Variants in MFSD6 observed in about 807,000 individuals in gnomAD.
MFSD6 encodes major facilitator superfamily domain containing 6.
MFSD6 carries 26 observed loss-of-function variants against 56.3 expected under a neutral mutation model. The observed-to-expected ratio is 0.46, with a 90% CI of 0.34 to 0.64. MFSD6 has a LOEUF of 0.64. Among genes scored for constraint, MFSD6 ranks in the 30% least tolerant of loss-of-function variants. The pLI is 0.01. For synonymous variants in MFSD6, 331 were observed against 366.9 expected (o/e 0.90, Z 1.12); for missense variants, 750 against 986.2 (o/e 0.76, Z 3.21).
At chr2:190,448,178 G>A (rs971026153) in intron 3 of MFSD6, among the ~76,000 whole-genome samples, 1 of 152,122 alleles carries the variant, frequency 6.6e-6, no homozygotes, top group African/African-American at 2.4e-5. Flanking sequence ...CAAAGTGTAT[G>A]GTAGACAAGA....
Position 190,412,567 on chromosome 2 carries a change from A to G in MFSD6, c.-175-2725A>G. 2.0e-6 allele frequency: 2 copies of G among 985,440 alleles called. No homozygotes were observed. Among genetic ancestry groups the G allele is most frequent in the Non-Finnish European group, 2.4e-6 (2 of 829,932 alleles). 61.0% of individuals were successfully genotyped at this position (985,440 alleles called of 1,614,324 possible). On this transcript the variant is annotated intron_variant, in intron 1 of 7. Transcript: ENST00000392328. The surrounding 1 kb of genome is among the most constrained non-coding windows in gnomAD (Gnocchi z 4.1). ...AGCATTTTTGATTCCTGGGAAAAGC[A>G]AACAAACACATCTGATGTCAATTCT...
Position 190,487,170 on chromosome 2 carries a change from G to A in MFSD6, c.1631-1487G>A, listed in dbSNP as rs1294704384. 6.6e-6 allele frequency among the ~76,000 whole-genome samples: 1 copy of A among 151,954 alleles called. No homozygotes were observed. Among genetic ancestry groups the A allele is most frequent in the Admixed American group, 6.6e-5 (1 of 15,252 alleles). ...ATCCTGGCCAACGTGGTGAAACCCT[G>A]TCTCTACTAAAAATACAAAAATTAG... On this transcript the variant is annotated intron_variant, in intron 4 of 7. Coordinates refer to ENST00000392328, the MANE Select transcript of MFSD6 (RefSeq NM_017694.4). This position sits in a 1 kb window ranked among gnomAD's most constrained non-coding sequence, Gnocchi z 5.5.
chr2:190,454,029 C>T lies in MFSD6; in HGVS notation c.1533-15729C>T, dbSNP rs1331668084. 6.6e-6 allele frequency: 1 copy of T among 152,204 alleles called. No homozygotes were observed. The highest frequency in any genetic ancestry group is 1.5e-5 in the Non-Finnish European group (1 of 68,038). 9.4% of individuals were successfully genotyped at this position (152,204 alleles called of 1,614,324 possible). On this transcript the variant is annotated intron_variant, in intron 3 of 7. Coordinates refer to ENST00000392328, the MANE Select transcript of MFSD6 (RefSeq NM_017694.4). The surrounding 1 kb of genome is among the most constrained non-coding windows in gnomAD (Gnocchi z 4.6). ...GTTTATGTTCAATTTCCTAATTAGACTAAATCAGTCCTTGTTTTAGTTTCC... is the reference window on the plus strand; with the variant it reads ...GTTTATGTTCAATTTCCTAATTAGATTAAATCAGTCCTTGTTTTAGTTTCC...
intron 3 of MFSD6, among the ~76,000 whole-genome samples, chr2:190,450,604 C>G (rs1441730456): frequency 1.3e-5 from 2 of 150,944 alleles, no homozygotes; most frequent in Admixed American, 1.3e-4. Context: ...ATGATACCCC[C>G]ACCCCAGCCT....
rs145719095 is a variant in MFSD6, at chr2:190,418,145, A to T, written c.-54+2732A>T. 4.4e-4 allele frequency among the ~76,000 whole-genome samples: 67 copies of T among 152,172 alleles called. No individual in the cohort carries two copies. Among genetic ancestry groups the T allele is most frequent in the African/African-American group, 1.6e-3 (66 of 41,510 alleles). ...AGTACCTGCTAAGAGCAGCACTGCT[A>T]CTCATTCCCTATGTGACTTTGGGCT... On this transcript the variant is annotated intron_variant, in intron 2 of 7. Coordinates refer to ENST00000392328, the MANE Select transcript of MFSD6 (RefSeq NM_017694.4). The surrounding 1 kb of genome is among the most constrained non-coding windows in gnomAD (Gnocchi z 4.1).
intron 4 of MFSD6, chr2:190,477,501 G>A (rs938139212): frequency 3.4e-6 from 1 of 296,642 alleles, no homozygotes; most frequent in African/African-American, 2.3e-5. Context: ...CCCAAGAAAA[G>A]AGAACATCCA....
chr2:190,410,246 C>A lies in MFSD6; in HGVS notation c.-176+1743C>A, dbSNP rs1690501345. On this transcript the variant is annotated intron_variant, in intron 1 of 7. Coordinates refer to ENST00000392328, the MANE Select transcript of MFSD6 (RefSeq NM_017694.4). This position sits in a 1 kb window ranked among gnomAD's most constrained non-coding sequence, Gnocchi z 4.4. ...AGACACCATTGTAAACATTTAGTATCTCAATCTCTGTAAGATAAATCTTTC... is the reference window on the plus strand; with the variant it reads ...AGACACCATTGTAAACATTTAGTATATCAATCTCTGTAAGATAAATCTTTC... 6.6e-6 allele frequency among the ~76,000 whole-genome samples: 1 copy of A among 152,170 alleles called. No individual in the cohort carries two copies. Among genetic ancestry groups the A allele is most frequent in the South Asian group, 2.1e-4 (1 of 4,828 alleles).
rs1161113278 is a variant in MFSD6 at position 190,499,935 on chromosome 2, TCTTA to T, written c.2173-76_2173-73del. The T allele has an allele frequency of 6.3e-7, 1 of 1,597,222 alleles. No individual in the cohort carries two copies. Among genetic ancestry groups the T allele is most frequent in the African/African-American group, 1.3e-5 (1 of 74,582 alleles). The stretch of plus-strand genomic sequence containing the variant: ...CCGGATGATCTCCCCATGTTTCCTG[TCTTA>T]CTTGAAAGCATATATAAAAAGTTGG... On this transcript the variant is annotated intron_variant, in intron 7 of 7. Coordinates refer to ENST00000392328, the MANE Select transcript of MFSD6 (RefSeq NM_017694.4). The surrounding 1 kb of genome is among the most constrained non-coding windows in gnomAD (Gnocchi z 6.0).
chr2:190,470,733 G>T (rs1223710070), intron 4 of MFSD6, among the ~76,000 whole-genome samples: 1 of 152,118 alleles, frequency 6.6e-6, no homozygotes, highest in Non-Finnish European at 1.5e-5. Flanking sequence ...TTGTCATGAT[G>T]AAAGATTGAG....
chr2:190,482,611 G>A (rs1688737717), intron 4 of MFSD6, among the ~76,000 whole-genome samples: 1 of 152,036 alleles, frequency 6.6e-6, no homozygotes, highest in South Asian at 2.1e-4. Context: ...CCATTATAAT[G>A]TGATTTCCCC....
rs549838205 is a variant in MFSD6 at position 190,495,571 on chromosome 2, G to C, written c.1892-1868G>C. ...ACTAAGCAAAAAGAACAAATCTGGA[G>C]GCATCACACTACCTGATTTCAAACT... On this transcript the variant is annotated intron_variant, in intron 6 of 7. Coordinates refer to ENST00000392328, the MANE Select transcript of MFSD6 (RefSeq NM_017694.4). The surrounding 1 kb of genome is among the most constrained non-coding windows in gnomAD (Gnocchi z 4.7). Among the ~76,000 whole-genome samples the C allele has an allele frequency of 1.5e-3, 221 of 152,232 alleles. 1 individual carries two copies. Among genetic ancestry groups the C allele is most frequent in the African/African-American group, 5.3e-3 (219 of 41,542 alleles).
intron 3 of MFSD6, among the ~76,000 whole-genome samples, chr2:190,445,457 C>CAA (rs10650684): frequency 0.23 from 33,494 of 143,606 alleles, 4,667 homozygotes; most frequent in South Asian, 0.38. Context: ...GCCCCAATCA[C>CAA]AAAAAAAAAA....
Position 190,495,307 on chromosome 2 carries a change from C to T in MFSD6, c.1892-2132C>T, listed in dbSNP as rs1385059911. Among the ~76,000 whole-genome samples, 1 of 152,090 alleles carries T rather than the reference C, an allele frequency of 6.6e-6. No homozygotes were observed. Among genetic ancestry groups the T allele is most frequent in the Non-Finnish European group, 1.5e-5 (1 of 67,996 alleles). ...ACCTAACCAAGGAGCTGAAAGACCTCTACAAGGAAAACTACAAAACACTGC... is the reference window on the plus strand; with the variant it reads ...ACCTAACCAAGGAGCTGAAAGACCTTTACAAGGAAAACTACAAAACACTGC... On this transcript the variant is annotated intron_variant, in intron 6 of 7. Coordinates refer to ENST00000392328, the MANE Select transcript of MFSD6 (RefSeq NM_017694.4). This position sits in a 1 kb window ranked among gnomAD's most constrained non-coding sequence, Gnocchi z 4.7.
chr2:190,487,875 T>C lies in MFSD6; in HGVS notation c.1631-782T>C, dbSNP rs1423120665. Among the ~76,000 whole-genome samples, 2 of 152,034 alleles carry C rather than the reference T, an allele frequency of 1.3e-5. No homozygotes were observed. Among genetic ancestry groups the C allele is most frequent in the African/African-American group, 4.8e-5 (2 of 41,392 alleles). On this transcript the variant is annotated intron_variant, in intron 4 of 7. Coordinates refer to ENST00000392328, the MANE Select transcript of MFSD6 (RefSeq NM_017694.4). The surrounding 1 kb of genome is among the most constrained non-coding windows in gnomAD (Gnocchi z 5.5). ...ATATAGTGACCATATCATCCAACAA[T>C]TGCATTTCTAGTTACCTAGTCAAAA...
chr2:190,480,106 T>G (rs961813288), intron 4 of MFSD6, among the ~76,000 whole-genome samples: 1 of 152,182 alleles, frequency 6.6e-6, no homozygotes, highest in Non-Finnish European at 1.5e-5. Flanking sequence ...GAAGCTGCAG[T>G]GACCTGTGAT....
At position 190,436,389 on chromosome 2, in the gene MFSD6, T is replaced by C; in HGVS notation, c.360T>C (p.Phe120=). 1 of 1,614,214 alleles carries C rather than the reference T, an allele frequency of 6.2e-7. No homozygotes were observed. The highest frequency in any genetic ancestry group is 1.3e-5 in the African/African-American group (1 of 75,062). Residue 120 remains phenylalanine, a synonymous_variant, in exon 3 of 8, where the codon TTT becomes TTC. Coordinates refer to ENST00000392328, the MANE Select transcript of MFSD6 (RefSeq NM_017694.4). This position sits in a 1 kb window ranked among gnomAD's most constrained non-coding sequence, Gnocchi z 5.3. ...RYFIEFCSAP[F]WGVVADRFKK... ...TCATTGAATTCTGCAGTGCCCCCTT[T>C]TGGGGTGTAGTTGCAGACCGCTTTA...
At chr2:190,422,685 A>G (rs1053913343) in intron 2 of MFSD6, among the ~76,000 whole-genome samples, 1 of 152,078 alleles carries the variant, frequency 6.6e-6, no homozygotes, top group African/African-American at 2.4e-5. Context: ...GCTTGTGTCC[A>G]TTTTTATTCA....
rs1366645776 is a variant in MFSD6, at chr2:190,431,194, G to A, written c.-53-4783G>A. Among the ~76,000 whole-genome samples, 14 of 151,784 alleles carry A rather than the reference G, an allele frequency of 9.2e-5. No homozygotes were observed. The South Asian group carries it at 1.0e-3, about 11-fold the overall frequency. The stretch of plus-strand genomic sequence containing the variant: ...TCACTTCCCAGATGGGATGGTGGCC[G>A]GGAAGAGGCGCTCCTCACTTCCCAG... On this transcript the variant is annotated intron_variant, in intron 2 of 7. Transcript: ENST00000392328. The surrounding 1 kb of genome is among the most constrained non-coding windows in gnomAD (Gnocchi z 4.4).
intron 4 of MFSD6, among the ~76,000 whole-genome samples, chr2:190,478,427 T>C (rs1427417877): frequency 6.6e-6 from 1 of 152,156 alleles, no homozygotes; most frequent in African/African-American, 2.4e-5. Flanking sequence ...GCCCACCCCA[T>C]GGAAAACAGT....
Sources: gnomAD v4.1 joint callset for allele counts (sites outside exome capture counted in the v4.1 genomes callset) on GRCh38, gnomAD v4.1.1 for gene constraint, Gnocchi (gnomAD v3.1) non-coding constraint, MANE v1.5 for transcripts, NCBI Gene and HGNC (gene_info 2026-07-23, HGNC 2026-07-21) for gene names.